PPM1H: variants seen among roughly 807,000 people sequenced by gnomAD.
The protein encoded by PPM1H is protein phosphatase 1H.
Under a neutral mutation model 54.9 loss-of-function variants are expected in PPM1H, and 27 were observed. The ratio of observed to expected loss-of-function variants is 0.49; its 90% CI spans 0.36 to 0.68. The LOEUF is 0.68. PPM1H is among the 30% of genes least tolerant of loss of function. PPM1H has a pLI of 0.00. For missense variants in PPM1H, 596 were observed against 667.8 expected (o/e 0.89, Z 1.19); for synonymous variants, 305 against 270.8 (o/e 1.13, Z -1.24).
rs142341684 is a variant in PPM1H at position 62,743,138 on chromosome 12, A to G, written c.870-5552T>C. Among the ~76,000 whole-genome samples the G allele has an allele frequency of 5.1e-3, 772 of 152,116 alleles. 11 individuals carry two copies. Among genetic ancestry groups the G allele is most frequent in the African/African-American group, 0.018 (729 of 41,508 alleles). On this transcript the variant is annotated intron_variant, in intron 4 of 9. Coordinates refer to ENST00000228705, the MANE Select transcript of PPM1H (RefSeq NM_020700.2). ...GGCCAAGGGGGATGGATCACTTGAG[A>G]TCAGGAGTTTGAGACAAGCCTGGCC...
intron 6 of PPM1H, among the ~76,000 whole-genome samples, chr12:62,710,527 A>ACTGT (rs2076200757): frequency 7.0e-6 from 1 of 143,418 alleles, no homozygotes; most frequent in East Asian, 2.1e-4. Context: ...GTGGAGTGAG[A>ACTGT]CTGTCTCTTT....
chr12:62,677,866 A>G (rs1305150263), intron 8 of PPM1H, among the ~76,000 whole-genome samples: 1 of 152,226 alleles, frequency 6.6e-6, no homozygotes, highest in Non-Finnish European at 1.5e-5. Flanking sequence ...GAATTATCCA[A>G]AATGTAAAAA....
At position 62,832,479 on chromosome 12, in the gene PPM1H, A is replaced by G. The variant is rs116091465; in HGVS notation, c.246-200T>C. ...AATGGCATTATGTTAGCACCCATTA[A>G]AATATTTACTAAAGAAGTTGTTTTG... On this transcript the variant is annotated intron_variant, in intron 1 of 9. Coordinates refer to ENST00000228705, the MANE Select transcript of PPM1H (RefSeq NM_020700.2). Among the ~76,000 whole-genome samples the G allele has an allele frequency of 4.5e-3, 683 of 152,342 alleles. 6 individuals are homozygous for G. Among genetic ancestry groups the G allele is most frequent in the African/African-American group, 0.016 (659 of 41,576 alleles).
intron 2 of PPM1H, among the ~76,000 whole-genome samples, chr12:62,806,764 C>T (rs1172796554): frequency 6.6e-6 from 1 of 152,192 alleles, no homozygotes; most frequent in Non-Finnish European, 1.5e-5. Flanking sequence ...GCCTGTGGAC[C>T]AGTGAGCCAG....
At chr12:62,846,620 A>C (rs1020434010) in intron 1 of PPM1H, among the ~76,000 whole-genome samples, 2 of 149,662 alleles carry the variant, frequency 1.3e-5, no homozygotes, top group African/African-American at 2.5e-5. Flanking sequence ...CCTCATCCTT[A>C]GCCATAATAA....
intron 8 of PPM1H, among the ~76,000 whole-genome samples, chr12:62,677,369 A>G (rs979462591): frequency 6.6e-6 from 1 of 152,126 alleles, no homozygotes; most frequent in South Asian, 2.1e-4. Context: ...AATGAGGAGG[A>G]GAGAAGAGAG....
At chr12:62,680,213 TCTTTCTCC>T (rs1307239503) in intron 8 of PPM1H, among the ~76,000 whole-genome samples, 1 of 152,048 alleles carries the variant, frequency 6.6e-6, no homozygotes, top group African/African-American at 2.4e-5. Flanking sequence ...TCCTTTTCTC[TCTTTCTCC>T]CTTTCTCTCT....
At chr12:62,709,081 T>C (rs773336262) in intron 6 of PPM1H, among the ~76,000 whole-genome samples, 6 of 152,152 alleles carry the variant, frequency 3.9e-5, no homozygotes, top group Non-Finnish European at 7.4e-5. Context: ...TTACCTAGTT[T>C]CATGGTTTGC....
chr12:62,657,461 G>A (rs1421371349), intron 9 of PPM1H, among the ~76,000 whole-genome samples: 2 of 152,110 alleles, frequency 1.3e-5, no homozygotes, highest in African/African-American at 4.8e-5. Flanking sequence ...GTTAGAGGCT[G>A]CCACAGCCAG....
At chr12:62,744,733 G>A (rs147215578) in intron 4 of PPM1H, among the ~76,000 whole-genome samples, 53 of 152,278 alleles carry the variant, frequency 3.5e-4, no homozygotes, top group African/African-American at 1.2e-3. Context: ...TCTCCACACC[G>A]GATGTGGTGC....
intron 3 of PPM1H, among the ~76,000 whole-genome samples, chr12:62,792,867 T>A (rs1256978553): frequency 6.6e-6 from 1 of 152,196 alleles, no homozygotes; most frequent in African/African-American, 2.4e-5. Context: ...AGAGCAAACA[T>A]GATATATTAA....
At chr12:62,748,224 C>T (rs2076423148) in intron 4 of PPM1H, among the ~76,000 whole-genome samples, 1 of 149,140 alleles carries the variant, frequency 6.7e-6, no homozygotes, top group Non-Finnish European at 1.5e-5. Flanking sequence ...GCCTGGGCGA[C>T]AGAGCGAGAC....
At chr12:62,659,175 A>C (rs934214385) in intron 9 of PPM1H, 1 of 720,124 alleles carries the variant, frequency 1.4e-6, no homozygotes, top group Non-Finnish European at 2.6e-6. Flanking sequence ...CCAGCTGGCC[A>C]TCAGAGTCAC....
chr12:62,776,284 A>AT (rs1331341712), intron 4 of PPM1H, among the ~76,000 whole-genome samples: 1 of 152,174 alleles, frequency 6.6e-6, no homozygotes, highest in Non-Finnish European at 1.5e-5. Context: ...CTAAGACTCT[A>AT]TCCCCCATGA....
At chr12:62,783,156 T>G (rs987502570) in intron 4 of PPM1H, among the ~76,000 whole-genome samples, 1 of 152,208 alleles carries the variant, frequency 6.6e-6, no homozygotes, top group African/African-American at 2.4e-5. Flanking sequence ...TAAAATAGTC[T>G]TAGAACTTTG....
In PPM1H at chr12:62,929,673, G is replaced by A. The variant is rs531912695; in HGVS notation, c.245+4819C>T. ...TCACCAGTCCTTGAAAGAAGCTGAT[G>A]CATTTTCCTAAGAAAAGAGACATCC... On this transcript the variant is annotated intron_variant, in intron 1 of 9. Transcript: ENST00000228705. 2.0e-4 allele frequency among the ~76,000 whole-genome samples: 30 copies of A among 152,230 alleles called. 1 individual carries two copies. In the South Asian group the frequency reaches 6.0e-3, roughly 31 times the overall value.
intron 1 of PPM1H, among the ~76,000 whole-genome samples, chr12:62,871,948 G>T (rs569367867): frequency 3.3e-5 from 5 of 152,322 alleles, no homozygotes; most frequent in African/African-American, 1.2e-4. Flanking sequence ...GTGGGTCACA[G>T]AATATTAACT....
Position 62,788,274 on chromosome 12 carries a change from A to C in PPM1H, c.821T>G (p.Val274Gly). Residue 274 changes from valine to glycine, a missense_variant, in exon 4 of 10, where the codon GTG becomes GGG. This residue lies in a region of PPM1H where 382 missense variants were observed against 387.1 expected (regional missense o/e 0.99). Transcript: ENST00000228705. ...ATACAGCTTCCCCAAAAGGCAAATC[A>C]CAATGAGGGCCGTGCAGCCACCAGA... ...NISGGCTALI[V>G]ICLLGKLYVA... is the part of the protein sequence containing the mutation. The C allele has an allele frequency of 6.2e-7, 1 of 1,600,012 alleles. No individual in the cohort carries two copies. The highest frequency in any genetic ancestry group is 8.5e-7 in the Non-Finnish European group (1 of 1,172,924).
intron 1 of PPM1H, among the ~76,000 whole-genome samples, chr12:62,917,214 G>C (rs1871652586): frequency 6.6e-6 from 1 of 152,234 alleles, no homozygotes; most frequent in South Asian, 2.1e-4. Flanking sequence ...TACATCAAGT[G>C]CAGCTGCTTT....
Sources: gnomAD v4.1 joint callset for allele counts (sites outside exome capture counted in the v4.1 genomes callset) on GRCh38, gnomAD v4.1.1 for gene constraint, gnomAD v4.1.1 regional missense constraint, MANE v1.5 for transcripts, NCBI Gene and HGNC (gene_info 2026-07-23, HGNC 2026-07-21) for gene names.